RBFOX1: variants seen among roughly 807,000 people sequenced by gnomAD.
RBFOX1 encodes the protein RNA binding protein fox-1 homolog 1.
RBFOX1 carries 8 observed loss-of-function variants against 57.7 expected under a neutral mutation model. The ratio of observed to expected loss-of-function variants is 0.14; its 90% CI spans 0.08 to 0.25. RBFOX1 has a LOEUF of 0.25. RBFOX1 is among the 10% of genes least tolerant of loss of function. RBFOX1 has a pLI of 1.00. For synonymous variants in RBFOX1, 326 were observed against 222.4 expected (o/e 1.47, Z -4.15); for missense variants, 611 against 548.5 (o/e 1.11, Z -1.14).
At chr16:5,738,562 A>G (rs2052661544) in intron 3 of RBFOX1, among the ~76,000 whole-genome samples, 1 of 136,718 alleles carries the variant, frequency 7.3e-6, no homozygotes, top group Admixed American at 8.4e-5. Context: ...TGAATCTGGG[A>G]GGTGAAGGTT....
chr16:7,281,229 C>A (rs2095537655), intron 4 of RBFOX1, among the ~76,000 whole-genome samples: 1 of 151,826 alleles, frequency 6.6e-6, no homozygotes, highest in Non-Finnish European at 1.5e-5. Flanking sequence ...TCTCAGACTC[C>A]TGAACTTAAG....
intron 2 of RBFOX1, among the ~76,000 whole-genome samples, chr16:6,555,945 C>T (rs1011641754): frequency 9.9e-5 from 15 of 152,102 alleles, no homozygotes; most frequent in African/African-American, 3.6e-4. Context: ...GGAGGATCGA[C>T]TCTATTCTGG....
At chr16:6,447,810 G>C (rs1270724688) in intron 2 of RBFOX1, among the ~76,000 whole-genome samples, 6 of 152,142 alleles carry the variant, frequency 3.9e-5, no homozygotes, top group African/African-American at 1.4e-4. Flanking sequence ...CATTCCCAAA[G>C]AAGAGAACAT....
chr16:6,113,599 T>G (rs2096467925), intron 1 of RBFOX1, among the ~76,000 whole-genome samples: 4 of 152,180 alleles, frequency 2.6e-5, no homozygotes, highest in Admixed American at 2.6e-4. Flanking sequence ...TTTGTTGATA[T>G]TGAAGCCGTG....
At chr16:5,484,069 G>A (rs1318054223) in intron 2 of RBFOX1, among the ~76,000 whole-genome samples, 9 of 152,222 alleles carry the variant, frequency 5.9e-5, no homozygotes, top group Non-Finnish European at 1.0e-4. Context: ...TACTCAGGAA[G>A]CTGAGGTTGG....
intron 3 of RBFOX1, among the ~76,000 whole-genome samples, chr16:5,737,709 A>G (rs75520381): frequency 0.029 from 4,469 of 152,132 alleles, 115 homozygotes; most frequent in Non-Finnish European, 0.042. Context: ...ACAGAGCTCA[A>G]GATTGGATGA....
At chr16:7,196,276 A>G (rs2086670088) in intron 4 of RBFOX1, among the ~76,000 whole-genome samples, 1 of 152,144 alleles carries the variant, frequency 6.6e-6, no homozygotes, top group South Asian at 2.1e-4. Context: ...TGTTCTTGTT[A>G]TCGACTGTGT....
rs2094977188 is a variant in RBFOX1, at chr16:6,013,912, T to TTGGTGTGTGTGTGTTCACTCACAGGTGG, written c.351+146577_351+146578insTGGTGTGTGTGTGTTCACTCACAGGTGG. On this transcript the variant is annotated intron_variant, in intron 4 of 19. Transcript: ENST00000641259. ...TCACTCACAGGTGGGAATTGAACAA[T>TTGGTGTGTGTGTGTTCACTCACAGGTGG]GAGAACACTTGGACACAGCAAGGGG... 3.1e-5 allele frequency among the ~76,000 whole-genome samples: 4 copies of TTGGTGTGTGTGTGTTCACTCACAGGTGG among 129,192 alleles called. No homozygotes were observed. In the Admixed American group the frequency reaches 4.0e-4, roughly 13 times the overall value. The allele number at this position is 129,192 out of a possible 152,430, so 84.8% of individuals were successfully genotyped here.
chr16:5,296,808 A>C (rs1278971906), intron 1 of RBFOX1, among the ~76,000 whole-genome samples: 1 of 151,624 alleles, frequency 6.6e-6, no homozygotes, highest in Non-Finnish European at 1.5e-5. Context: ...CCTCCTTAGT[A>C]GCTGGGATTA....
chr16:6,077,164 C>T (rs1367593659), intron 1 of RBFOX1, among the ~76,000 whole-genome samples: 3 of 152,160 alleles, frequency 2.0e-5, no homozygotes, highest in Non-Finnish European at 2.9e-5. Flanking sequence ...GGCTTTTAGA[C>T]ACCAAAGTTC....
At chr16:6,724,138 T>G (rs141847857) in intron 3 of RBFOX1, among the ~76,000 whole-genome samples, 11 of 152,142 alleles carry the variant, frequency 7.2e-5, no homozygotes, top group African/African-American at 2.4e-4. Context: ...ATTAGTGCCA[T>G]TATAAAAGAG....
At chr16:7,635,655 T>C (rs2061636529) in intron 11 of RBFOX1, among the ~76,000 whole-genome samples, 1 of 142,942 alleles carries the variant, frequency 7.0e-6, no homozygotes, top group Non-Finnish European at 1.5e-5. Context: ...ATATCAATCA[T>C]ATTTAGTTTC....
chr16:6,406,532 G>T (rs1238153765), intron 2 of RBFOX1, among the ~76,000 whole-genome samples: 1 of 151,884 alleles, frequency 6.6e-6, no homozygotes, highest in Non-Finnish European at 1.5e-5. Context: ...TCATTTGGAG[G>T]CTAGCTTCTT....
chr16:6,007,493 C>T (rs772804120), intron 4 of RBFOX1, among the ~76,000 whole-genome samples: 98 of 152,184 alleles, frequency 6.4e-4, no homozygotes, highest in Non-Finnish European at 1.2e-3. Flanking sequence ...ATGTTGATTC[C>T]AGCCTTGCCA....
At chr16:5,798,727 T>C (rs538233406) in intron 3 of RBFOX1, among the ~76,000 whole-genome samples, 1 of 152,302 alleles carries the variant, frequency 6.6e-6, no homozygotes, top group South Asian at 2.1e-4. Flanking sequence ...TTCCACTTTG[T>C]TCGTTGTGGC....
intron 14 of RBFOX1, among the ~76,000 whole-genome samples, chr16:7,678,453 G>T (rs1237494605): frequency 6.6e-6 from 1 of 152,136 alleles, no homozygotes; most frequent in Non-Finnish European, 1.5e-5. Flanking sequence ...TGGTTCAGCT[G>T]CAACCCTTAA....
At chr16:5,320,862 G>T (rs147766584) in intron 1 of RBFOX1, among the ~76,000 whole-genome samples, 73 of 152,276 alleles carry the variant, frequency 4.8e-4, no homozygotes, top group Admixed American at 1.1e-3. Flanking sequence ...CTGTGTGTGC[G>T]CAGCTGAACC....
chr16:5,995,292 A>G (rs1161871898), intron 4 of RBFOX1, among the ~76,000 whole-genome samples: 1 of 152,180 alleles, frequency 6.6e-6, no homozygotes, highest in African/African-American at 2.4e-5. Flanking sequence ...AGTTGCACAT[A>G]TATCTTAGAG....
chr16:5,537,620 G>A (rs1027506686), intron 2 of RBFOX1, among the ~76,000 whole-genome samples: 7 of 152,258 alleles, frequency 4.6e-5, no homozygotes, highest in African/African-American at 1.4e-4. Context: ...ACTGAAGGTT[G>A]TTCCCAGCCT....
Sources: allele counts gnomAD v4.1 joint callset (sites outside exome capture counted in the v4.1 genomes callset), GRCh38; gene constraint gnomAD v4.1.1; transcripts MANE v1.5; gene names NCBI Gene and HGNC (gene_info 2026-07-23, HGNC 2026-07-21).